SCN10A: variants seen among roughly 807,000 people sequenced by gnomAD.
SCN10A encodes sodium channel protein type 10 subunit alpha.
Under a neutral mutation model 170.7 loss-of-function variants are expected in SCN10A, and 162 were observed. The ratio of observed to expected loss-of-function variants is 0.95; its 90% CI spans 0.84 to 1.08. SCN10A has a LOEUF of 1.08. SCN10A is among the 50% of genes least tolerant of loss of function. The probability of loss-of-function intolerance (pLI) is 0.00; values close to 1 mark genes in which losing one functional copy is unlikely to be tolerated. For synonymous variants in SCN10A, 985 were observed against 904.6 expected (o/e 1.09, Z -1.59); for missense variants, 2,527 against 2,436.9 (o/e 1.04, Z -0.78).
At chr3:38,742,102 G>C (rs1203940424) in intron 14 of SCN10A, among the ~76,000 whole-genome samples, 189 bp downstream of exon 14, 1 of 152,206 alleles carries the variant, frequency 6.6e-6, no homozygotes, top group African/African-American at 2.4e-5. Context: ...GCTCAGCCTG[G>C]GTCCTCCCAC....
chr3:38,697,570 C>T lies in SCN10A; in HGVS notation c.5650G>A (p.Glu1884Lys). 1.2e-6 allele frequency: 2 copies of T among 1,614,212 alleles called. No homozygotes were observed. Among genetic ancestry groups the T allele is most frequent in the Non-Finnish European group, 1.7e-6 (2 of 1,180,050 alleles). Reference protein sequence around the residue: ...SNTPCVPRAEEEAASLPDEGF... With the variant: ...SNTPCVPRAEKEAASLPDEGF... ...TCATCTGGGAGTGATGCAGCCTCCTCCTCAGCTCTGGGCACACATGGGGTG... is the reference window on the plus strand; with the variant it reads ...TCATCTGGGAGTGATGCAGCCTCCTTCTCAGCTCTGGGCACACATGGGGTG... The change falls in exon 28 of 28, where the codon GAG becomes AAG. Residue 1884 changes from glutamate (E) to lysine (K), a missense_variant. Glu to Lys is a moderately conservative substitution (Grantham distance 56). Transcript: ENST00000449082.
intron 26 of SCN10A, among the ~76,000 whole-genome samples, chr3:38,705,081 G>T (rs1038284124): frequency 1.3e-5 from 2 of 152,230 alleles, no homozygotes; most frequent in African/African-American, 4.8e-5. Flanking sequence ...GAGCTAGGAT[G>T]GTCCAAGACC....
intron 5 of SCN10A, among the ~76,000 whole-genome samples, chr3:38,770,517 C>A (rs1402487019): frequency 6.6e-6 from 1 of 151,996 alleles, no homozygotes; most frequent in Non-Finnish European, 1.5e-5. Context: ...CCATAGAGTT[C>A]TCCAGGGAAG....
intron 16 of SCN10A, among the ~76,000 whole-genome samples, chr3:38,727,806 A>C (rs12636153): frequency 0.21 from 32,378 of 152,082 alleles, 3,951 homozygotes; most frequent in East Asian, 0.4. Flanking sequence ...CAAGGACCCC[A>C]CCATGACCAG....
At chr3:38,742,550 T>A in intron 13 of SCN10A, 21 bp from the exon 14 acceptor site, 4 of 1,595,470 alleles carry the variant, frequency 2.5e-6, no homozygotes, top group Non-Finnish European at 3.4e-6. Context: ...GTGTGGTCAA[T>A]GACAGCTGTC....
chr3:38,705,717 G>A (rs1180397425), intron 26 of SCN10A, among the ~76,000 whole-genome samples: 3 of 152,124 alleles, frequency 2.0e-5, no homozygotes, highest in Admixed American at 6.5e-5. Context: ...TAGTATGTGG[G>A]GGAAGGTGCC....
At chr3:38,782,511 G>C (rs1037945678) in intron 4 of SCN10A, among the ~76,000 whole-genome samples, 1 of 151,918 alleles carries the variant, frequency 6.6e-6, no homozygotes, top group Non-Finnish European at 1.5e-5. Context: ...CCCCCGTGCT[G>C]TCATTCTATT....
chr3:38,803,126 C>A (rs1463149364), intron 1 of SCN10A, among the ~76,000 whole-genome samples: 1 of 152,026 alleles, frequency 6.6e-6, no homozygotes, highest in Non-Finnish European at 1.5e-5. Flanking sequence ...GTTAGAATGG[C>A]AATCATTAAA....
chr3:38,801,161 A>C (rs2064368706), intron 1 of SCN10A, among the ~76,000 whole-genome samples: 1 of 152,072 alleles, frequency 6.6e-6, no homozygotes, highest in Non-Finnish European at 1.5e-5. Context: ...TGTTTCTCTG[A>C]TTACACAACA....
At chr3:38,773,482 CT>C (rs1318070543) in intron 4 of SCN10A, among the ~76,000 whole-genome samples, 4 of 152,158 alleles carry the variant, frequency 2.6e-5, no homozygotes, top group African/African-American at 9.7e-5. Flanking sequence ...AGTACTCTAG[CT>C]GTGATTCCCA....
intron 21 of SCN10A, among the ~76,000 whole-genome samples, chr3:38,714,712 A>G (rs1257049354): frequency 6.6e-6 from 1 of 152,208 alleles, no homozygotes; most frequent in African/African-American, 2.4e-5. Context: ...GTATGGGTCC[A>G]TGAGATCTAG....
intron 14 of SCN10A, among the ~76,000 whole-genome samples, chr3:38,741,989 A>G (rs956388400): frequency 2.0e-5 from 3 of 152,196 alleles, no homozygotes; most frequent in Non-Finnish European, 4.4e-5. Context: ...CAGAAAATTC[A>G]AGTGGTTGTC....
intron 1 of SCN10A, among the ~76,000 whole-genome samples, chr3:38,800,456 A>G (rs893063373): frequency 6.6e-6 from 1 of 152,198 alleles, no homozygotes; most frequent in African/African-American, 2.4e-5. Flanking sequence ...ATTCTCTGCA[A>G]CTGTGAGGTG....
chr3:38,706,948 T>C (rs535988775), intron 26 of SCN10A, among the ~76,000 whole-genome samples: 1 of 152,266 alleles, frequency 6.6e-6, no homozygotes, highest in South Asian at 2.1e-4. Context: ...ACAAGTTTAA[T>C]CCCTGGGTTC....
intron 4 of SCN10A, among the ~76,000 whole-genome samples, chr3:38,779,893 T>C (rs1408883462): frequency 2.6e-5 from 4 of 152,090 alleles, no homozygotes; most frequent in Middle Eastern, 6.8e-3. Context: ...TTATTTCCAC[T>C]TTCTGGAGCT....
chr3:38,774,248 T>C (rs918836458), intron 4 of SCN10A, among the ~76,000 whole-genome samples: 1 of 152,178 alleles, frequency 6.6e-6, no homozygotes, highest in Non-Finnish European at 1.5e-5. Flanking sequence ...AATTAGAAAA[T>C]CTTAACTCAG....
chr3:38,812,801 C>A (rs1353978056), intron 1 of SCN10A, among the ~76,000 whole-genome samples: 1 of 152,034 alleles, frequency 6.6e-6, no homozygotes, highest in Admixed American at 6.5e-5. Flanking sequence ...TGGGAGGCTG[C>A]AGTAGGAGGA....
chr3:38,783,385 C>T (rs2064161923), intron 4 of SCN10A, among the ~76,000 whole-genome samples: 1 of 152,032 alleles, frequency 6.6e-6, no homozygotes. Context: ...CTTTTTACTT[C>T]ATAAGTATGC....
In SCN10A at chr3:38,718,752, G is replaced by A; in HGVS notation, c.3582C>T (p.Thr1194=). The A allele has an allele frequency of 1.9e-6, 3 of 1,614,230 alleles. No individual in the cohort carries two copies. The highest frequency in any genetic ancestry group is 2.5e-6 in the Non-Finnish European group (3 of 1,180,034). Residue 1194 remains threonine (T), a synonymous_variant, in exon 21 of 28, where the codon ACC becomes ACT. Coordinates refer to ENST00000449082, the MANE Select transcript of SCN10A (RefSeq NM_006514.4). Reference sequence around the variant, plus strand: ...GCAGCATCTCGAACACAAAGATAAAGGTGAAGACCCTGTCAGTGTACTCCA... The same window carrying A: ...GCAGCATCTCGAACACAAAGATAAAAGTGAAGACCCTGTCAGTGTACTCCA... ...ALLEYTDRVF[T]FIFVFEMLLK...
Sources: gnomAD v4.1 joint callset for allele counts (sites outside exome capture counted in the v4.1 genomes callset) on GRCh38, gnomAD v4.1.1 for gene constraint, MANE v1.5 for transcripts, NCBI Gene and HGNC (gene_info 2026-07-23, HGNC 2026-07-21) for gene names.